Variants in DOK5 observed in about 807,000 individuals in gnomAD.
DOK5 encodes downstream of tyrosine kinase 5.
Under a neutral mutation model 43.3 loss-of-function variants are expected in DOK5, and 27 were observed. That is an observed-to-expected ratio of 0.62 (90% CI 0.46 to 0.86). The LOEUF (loss-of-function observed/expected upper bound fraction) is 0.86. Among genes scored for constraint, DOK5 ranks in the 40% least tolerant of loss-of-function variants. The pLI is 0.00. For missense variants in DOK5, 373 were observed against 392.9 expected (o/e 0.95, Z 0.43); for synonymous variants, 146 against 140.1 (o/e 1.04, Z -0.30).
intron 2 of DOK5, among the ~76,000 whole-genome samples, chr20:54,568,911 G>A (rs757558968): frequency 5.5e-5 from 8 of 145,840 alleles, no homozygotes; most frequent in African/African-American, 2.0e-4. Context: ...CAGCCTGGGC[G>A]ACAGAGCAAG....
intron 6 of DOK5, among the ~76,000 whole-genome samples, chr20:54,620,171 T>G (rs1296993025): frequency 6.6e-6 from 1 of 152,264 alleles, no homozygotes; most frequent in African/African-American, 2.4e-5. Flanking sequence ...TATTTGCTAC[T>G]TGCAAAGCAA....
At chr20:54,614,096 A>G (rs1293862715) in intron 6 of DOK5, among the ~76,000 whole-genome samples, 1 of 151,602 alleles carries the variant, frequency 6.6e-6, no homozygotes, top group Non-Finnish European at 1.5e-5. Flanking sequence ...ACAACAAAAA[A>G]CCTGTGCATC....
At chr20:54,531,939 T>C (rs144089367) in intron 1 of DOK5, among the ~76,000 whole-genome samples, 1,731 of 152,322 alleles carry the variant, frequency 0.011, 13 homozygotes, top group South Asian at 0.02. Flanking sequence ...TTGTTTATGA[T>C]GGAGAAAGGT....
At chr20:54,642,658 G>A (rs1454177569) in intron 6 of DOK5, among the ~76,000 whole-genome samples, 1 of 152,106 alleles carries the variant, frequency 6.6e-6, no homozygotes, top group Non-Finnish European at 1.5e-5. Flanking sequence ...CAGAGGCGGA[G>A]GTTGCAGTGA....
At chr20:54,600,649 T>A (rs1410440251) in intron 5 of DOK5, among the ~76,000 whole-genome samples, 1 of 152,148 alleles carries the variant, frequency 6.6e-6, no homozygotes, top group Admixed American at 6.5e-5. Flanking sequence ...CCTACCTACA[T>A]GCCCCTAAGC....
intron 2 of DOK5, among the ~76,000 whole-genome samples, chr20:54,587,418 G>C (rs142977004): frequency 2.2e-4 from 34 of 151,720 alleles, no homozygotes; most frequent in African/African-American, 7.7e-4. Context: ...TAGAGTAACA[G>C]ACGAGAGAAA....
chr20:54,479,613 C>T (rs994677339), intron 1 of DOK5, among the ~76,000 whole-genome samples: 10 of 152,280 alleles, frequency 6.6e-5, no homozygotes, highest in African/African-American at 1.4e-4. Flanking sequence ...AGTTTCAGAA[C>T]GGAAACTCGG....
intron 6 of DOK5, among the ~76,000 whole-genome samples, chr20:54,634,399 G>T (rs1436951090): frequency 6.8e-6 from 1 of 147,924 alleles, no homozygotes; most frequent in African/African-American, 2.5e-5. Context: ...GGGGCTGCTT[G>T]ACCAGAAGTA....
At chr20:54,547,329 GCCC>G (rs1984383363) in intron 1 of DOK5, among the ~76,000 whole-genome samples, 2 of 152,242 alleles carry the variant, frequency 1.3e-5, no homozygotes, top group Non-Finnish European at 2.9e-5. Context: ...GGCCTAAACA[GCCC>G]CAGGCAGTGT....
intron 1 of DOK5, among the ~76,000 whole-genome samples, chr20:54,539,258 A>G: frequency 7.1e-6 from 1 of 140,674 alleles, no homozygotes; most frequent in Non-Finnish European, 1.5e-5. Context: ...CAGCCTGGGC[A>G]ACAGAGCGAG....
chr20:54,622,993 C>T (rs1987030342), intron 6 of DOK5, among the ~76,000 whole-genome samples: 1 of 152,084 alleles, frequency 6.6e-6, no homozygotes, highest in Non-Finnish European at 1.5e-5. Flanking sequence ...CACAGAGCCC[C>T]GTATGACTGC....
chr20:54,622,960 A>C (rs1300038715), intron 6 of DOK5, among the ~76,000 whole-genome samples: 2 of 152,162 alleles, frequency 1.3e-5, no homozygotes, highest in Non-Finnish European at 2.9e-5. Context: ...AGGGCATGAA[A>C]TCAAGTACAG....
At chr20:54,493,583 A>T (rs1468640969) in intron 1 of DOK5, among the ~76,000 whole-genome samples, 2 of 152,204 alleles carry the variant, frequency 1.3e-5, no homozygotes, top group East Asian at 3.8e-4. Flanking sequence ...CACTAGCCAC[A>T]TTTTAAGTGA....
intron 6 of DOK5, among the ~76,000 whole-genome samples, chr20:54,624,647 A>G (rs541297896): frequency 1.4e-5 from 2 of 146,680 alleles, no homozygotes; most frequent in Admixed American, 6.7e-5. Context: ...ATTTCAATGT[A>G]TAGGTGGGGG....
chr20:54,540,097 C>A (rs1295436366), intron 1 of DOK5, among the ~76,000 whole-genome samples: 2 of 151,970 alleles, frequency 1.3e-5, no homozygotes, highest in Non-Finnish European at 2.9e-5. Context: ...TTGGTGACTA[C>A]TCAGAACACC....
Position 54,588,953 on chromosome 20 carries a change from G to A in DOK5, c.409+147G>A, listed in dbSNP as rs1036125711. ...ATCTTTTATCTAATCCACAACCTGT[G>A]TTAACATTTCAGTGTATTTTTTTCT... On this transcript the variant is annotated intron_variant, in intron 4 of 7. Coordinates refer to ENST00000262593, the MANE Select transcript of DOK5 (RefSeq NM_018431.5). 10 of 822,986 alleles carry A rather than the reference G, an allele frequency of 1.2e-5. No individual in the cohort carries two copies. The African/African-American group carries it at 1.7e-4, about 14-fold the overall frequency. The allele number at this position is 822,986 out of a possible 1,614,324, so 51.0% of individuals were successfully genotyped here.
At chr20:54,648,754 C>T (rs185698394) in intron 7 of DOK5, among the ~76,000 whole-genome samples, 14 of 152,192 alleles carry the variant, frequency 9.2e-5, no homozygotes, top group Admixed American at 7.8e-4. Flanking sequence ...CAGATTTAAT[C>T]GATATTTTCA....
chr20:54,481,838 T>G, intron 1 of DOK5, among the ~76,000 whole-genome samples: 1 of 152,226 alleles, frequency 6.6e-6, no homozygotes, highest in Admixed American at 6.5e-5. Context: ...CTCCATCTTC[T>G]GTAAAAATAT....
At chr20:54,628,980 C>G (rs957160321) in intron 6 of DOK5, among the ~76,000 whole-genome samples, 8 of 152,252 alleles carry the variant, frequency 5.3e-5, no homozygotes, top group Middle Eastern at 3.4e-3. Context: ...ATGCAGGGAA[C>G]ATTTTAAGAT....
Sources: allele counts gnomAD v4.1 joint callset (sites outside exome capture counted in the v4.1 genomes callset), GRCh38; gene constraint gnomAD v4.1.1; transcripts MANE v1.5; gene names NCBI Gene and HGNC (gene_info 2026-07-23, HGNC 2026-07-21).